Variants in MYRFL observed in about 807,000 individuals in gnomAD.
The protein encoded by MYRFL is myelin regulatory factor-like protein.
Under a neutral mutation model 109.4 loss-of-function variants are expected in MYRFL, and 88 were observed. The ratio of observed to expected loss-of-function variants is 0.80; its 90% CI spans 0.68 to 0.96. The LOEUF is 0.96. Ranked by LOEUF, MYRFL falls within the 40% of genes least tolerant of loss-of-function variation. MYRFL has a pLI of 0.00. For synonymous variants in MYRFL, 324 were observed against 320.9 expected (o/e 1.01, Z -0.10); for missense variants, 957 against 954.9 (o/e 1.00, Z -0.03).
At chr12:69,890,305 C>G (rs1192243306) in intron 6 of MYRFL, among the ~76,000 whole-genome samples, 3 of 152,148 alleles carry the variant, frequency 2.0e-5, no homozygotes, top group African/African-American at 7.2e-5. Flanking sequence ...AGATATTTCA[C>G]AAGTCTAAGT....
chr12:69,858,518 T>G (rs1028325567), intron 2 of MYRFL, among the ~76,000 whole-genome samples: 2 of 151,990 alleles, frequency 1.3e-5, no homozygotes, highest in Non-Finnish European at 2.9e-5. Flanking sequence ...TTAATTTATT[T>G]AGTAGATTCA....
chr12:69,895,847 AC>A (rs1232781814), intron 9 of MYRFL, among the ~76,000 whole-genome samples: 4 of 152,190 alleles, frequency 2.6e-5, no homozygotes, highest in East Asian at 3.9e-4. Flanking sequence ...TTCTGCTATG[AC>A]CTTTTTGATT....
At chr12:69,853,789 G>T (rs1230494685) in intron 1 of MYRFL, among the ~76,000 whole-genome samples, 1 of 150,746 alleles carries the variant, frequency 6.6e-6, no homozygotes, top group Non-Finnish European at 1.5e-5. Context: ...CCAGACGATG[G>T]TTGGCCAGGC....
chr12:69,902,443 C>G (rs1954225371), intron 10 of MYRFL, among the ~76,000 whole-genome samples: 1 of 152,148 alleles, frequency 6.6e-6, no homozygotes. Context: ...CACTGTTTCT[C>G]CATCTCCCAG....
At chr12:69,957,728 C>T (rs763264821) in intron 22 of MYRFL, 94 bp from the exon 23 acceptor site, 9 of 1,383,908 alleles carry the variant, frequency 6.5e-6, no homozygotes, top group East Asian at 2.6e-5. Context: ...TTCCAAGTTA[C>T]GTTCCCATTA....
chr12:69,891,694 GTTCT>G (rs1311077631), intron 7 of MYRFL, among the ~76,000 whole-genome samples: 5 of 27,296 alleles, frequency 1.8e-4, no homozygotes, highest in South Asian at 1.0e-3. Context: ...TCGTTCGTTC[GTTCT>G]TTCTTTCTTT....
At chr12:69,931,538 C>T (rs1955267803) in intron 15 of MYRFL, among the ~76,000 whole-genome samples, 1 of 152,118 alleles carries the variant, frequency 6.6e-6, no homozygotes, top group Non-Finnish European at 1.5e-5. Flanking sequence ...AAGCCAAGAA[C>T]CAATTTAAAA....
chr12:69,943,887 ACTT>A (rs1208795398), intron 19 of MYRFL, among the ~76,000 whole-genome samples: 4 of 152,142 alleles, frequency 2.6e-5, no homozygotes, highest in Non-Finnish European at 4.4e-5. Context: ...ATGAACAGAC[ACTT>A]CTCAAAAGAA....
chr12:69,833,333 T>C (rs532710357), intron 1 of MYRFL, among the ~76,000 whole-genome samples: 1 of 152,220 alleles, frequency 6.6e-6, no homozygotes, highest in Non-Finnish European at 1.5e-5. Context: ...TGGTTAAACG[T>C]TTCAAATGTT....
intron 1 of MYRFL, among the ~76,000 whole-genome samples, chr12:69,852,579 A>ATTTTTTTTTTTTTTTTTTTTTTTT (rs61145700): frequency 1.8e-5 from 2 of 112,210 alleles, no homozygotes; most frequent in Non-Finnish European, 3.6e-5. Context: ...TTAATTTTTA[A>ATTTTTTTTTTTTTTTTTTTTTTTT]TTTTTTTTTT....
chr12:69,903,585 G>T (rs949051585), intron 10 of MYRFL, 59 bp from the exon 11 acceptor site: 1 of 1,494,262 alleles, frequency 6.7e-7, no homozygotes, highest in East Asian at 2.5e-5. Flanking sequence ...GAACACTAAT[G>T]TGATCATCTA....
intron 1 of MYRFL, among the ~76,000 whole-genome samples, chr12:69,852,467 A>G (rs1364960083): frequency 6.6e-6 from 1 of 151,048 alleles, no homozygotes; most frequent in East Asian, 1.9e-4. Flanking sequence ...ATTAGTTTTC[A>G]TATTTAATTT....
At chr12:69,934,476 T>A (rs1955382322) in intron 16 of MYRFL, among the ~76,000 whole-genome samples, 5 of 152,160 alleles carry the variant, frequency 3.3e-5, no homozygotes, top group Admixed American at 3.3e-4. Flanking sequence ...CTTTGTCACA[T>A]GGGGCAGCTG....
At chr12:69,927,613 C>A in intron 14 of MYRFL, 72 bp from the exon 15 acceptor site, 1 of 1,119,168 alleles carries the variant, frequency 8.9e-7, no homozygotes, top group Non-Finnish European at 1.3e-6. Context: ...ATGTTAGTGA[C>A]AGCCTGGGCC....
In MYRFL at chr12:69,910,633, C is replaced by CA. The variant is rs5798959; in HGVS notation, c.1493-170dup. On this transcript the variant is annotated intron_variant, in intron 12 of 24. Transcript: ENST00000552032. ...CCTCCCCCCTGTTGGCCCAGAGTCT[C>CA]AAAAAAAAAAAAAAAAAAGGAAAAG... Among the ~76,000 whole-genome samples, 594 of 125,366 alleles carry CA rather than the reference C, an allele frequency of 4.7e-3. 4 individuals carry two copies. The highest frequency in any genetic ancestry group is 0.042 in the East Asian group (173 of 4,102). 82.2% of individuals were successfully genotyped at this position (125,366 alleles called of 152,430 possible).
At chr12:69,831,828 C>G (rs1368149769) in intron 1 of MYRFL, among the ~76,000 whole-genome samples, 4 of 151,998 alleles carry the variant, frequency 2.6e-5, no homozygotes. Context: ...TATTCCTTAC[C>G]TTGTTTATTC....
At chr12:69,862,978 A>G (rs1884786960) in intron 2 of MYRFL, among the ~76,000 whole-genome samples, 2 of 152,020 alleles carry the variant, frequency 1.3e-5, no homozygotes, top group African/African-American at 2.4e-5. Context: ...GAATTTTGTC[A>G]AAGGCCTTTT....
intron 12 of MYRFL, among the ~76,000 whole-genome samples, 155 bp from the exon 13 acceptor site, chr12:69,910,666 A>G (rs1954538377): frequency 6.6e-6 from 1 of 151,878 alleles, no homozygotes. Flanking sequence ...AAGAAAAAAC[A>G]GAAAACACTC....
Position 69,958,766 on chromosome 12 carries a change from A to G in MYRFL, c.*235A>G, listed in dbSNP as rs1956152126. 2.2e-6 allele frequency: 1 copy of G among 452,882 alleles called. No individual in the cohort carries two copies. Among genetic ancestry groups the G allele is most frequent in the East Asian group, 3.9e-5 (1 of 25,488 alleles). The allele number at this position is 452,882 out of a possible 1,614,324, so 28.1% of individuals were successfully genotyped here. On this transcript the variant is annotated 3_prime_UTR_variant, in exon 25 of 25. Coordinates refer to ENST00000552032, the MANE Select transcript of MYRFL (RefSeq NM_182530.3). ...ATTTTGCCATGACTATGAAGAAAAC[A>G]TTTCCTGGAGCAAACAGTTCTGTTG...
Sources: gnomAD v4.1 joint callset for allele counts (sites outside exome capture counted in the v4.1 genomes callset) on GRCh38, gnomAD v4.1.1 for gene constraint, MANE v1.5 for transcripts, NCBI Gene and HGNC (gene_info 2026-07-23, HGNC 2026-07-21) for gene names.